Variants in ACACA observed in about 807,000 individuals in gnomAD.
ACACA encodes acetyl-CoA carboxylase 1.
ACACA carries 103 observed loss-of-function variants against 296.1 expected under a neutral mutation model. The ratio of observed to expected loss-of-function variants is 0.35; its 90% CI spans 0.30 to 0.41. The LOEUF (loss-of-function observed/expected upper bound fraction) is 0.41. ACACA is among the 10% of genes least tolerant of loss of function. The pLI, the probability that ACACA is intolerant of heterozygous loss-of-function variation, is 1.00. For synonymous variants in ACACA, 953 were observed against 1,038.6 expected, an observed-to-expected ratio of 0.92 and a Z score of 1.58; for missense variants, 1,554 against 2,989.7, an observed-to-expected ratio of 0.52 and a Z score of 11.20.
intron 1 of ACACA, among the ~76,000 whole-genome samples, chr17:37,350,447 G>C (rs1482124072): frequency 6.6e-6 from 1 of 152,100 alleles, no homozygotes; most frequent in Admixed American, 6.6e-5. Flanking sequence ...CTAAGCCCAG[G>C]AGGTTGAGGC....
At chr17:37,321,800 C>T (rs1349530473) in intron 3 of ACACA, among the ~76,000 whole-genome samples, 2 of 150,468 alleles carry the variant, frequency 1.3e-5, no homozygotes, top group Admixed American at 6.6e-5. Context: ...AAAAATTAGC[C>T]GGGCATGGTG....
intron 14 of ACACA, among the ~76,000 whole-genome samples, chr17:37,256,055 C>T (rs1010661029): frequency 1.3e-5 from 2 of 152,122 alleles, no homozygotes; most frequent in African/African-American, 4.8e-5. Flanking sequence ...GCAAAATTAG[C>T]TAACTTTTAA....
At chr17:37,216,665 C>G (rs759536953) in intron 29 of ACACA, among the ~76,000 whole-genome samples, 33 of 151,778 alleles carry the variant, frequency 2.2e-4, no homozygotes, top group Non-Finnish European at 3.7e-4. Flanking sequence ...AAATATGTTA[C>G]TACAAAGCAA....
chr17:37,400,740 C>CTGTGTGTG lies in ACACA; in HGVS notation c.38+5514_38+5521dup, dbSNP rs71135716. On this transcript the variant is annotated intron_variant, in intron 1 of 55. Coordinates refer to ENST00000616317, the MANE Select transcript of ACACA (RefSeq NM_198834.3). Reference sequence around the variant, plus strand: ...GAACAGTATTCCATTGTGTGTGTGTCTGTGTGTGTGTGTGTGTGTGTATCT... The same window carrying CTGTGTGTG: ...GAACAGTATTCCATTGTGTGTGTGTCTGTGTGTGTGTGTGTGTGTGTGTGTGTGTATCT... Among the ~76,000 whole-genome samples, 505 of 147,550 alleles carry CTGTGTGTG rather than the reference C, an allele frequency of 3.4e-3. 2 individuals are homozygous for CTGTGTGTG. The highest frequency in any genetic ancestry group is 0.012 in the African/African-American group (486 of 38,916).
chr17:37,376,039 G>A (rs902549352), intron 1 of ACACA: 1 of 1,484,578 alleles, frequency 6.7e-7, no homozygotes, highest in Admixed American at 1.7e-5. Flanking sequence ...AGCTATCAAG[G>A]GCTGTGACAG....
At chr17:37,401,196 C>CTTTTTTTTTTT (rs1234610912) in intron 1 of ACACA, among the ~76,000 whole-genome samples, 4 of 134,344 alleles carry the variant, frequency 3.0e-5, no homozygotes, top group African/African-American at 2.7e-5. Flanking sequence ...TTTTGTTTTT[C>CTTTTTTTTTTT]TTTTTTTTTT....
chr17:37,406,343 AGGGGATG>A lies in ACACA; in HGVS notation c.-51_-45del. 1 of 1,606,572 alleles carries A rather than the reference AGGGGATG, an allele frequency of 6.2e-7. No homozygotes were observed. Among genetic ancestry groups the A allele is most frequent in the Non-Finnish European group, 8.5e-7 (1 of 1,173,168 alleles). On this transcript the variant is annotated 5_prime_UTR_variant, in exon 1 of 56. An upstream open reading frame in the 5' UTR loses its in-frame stop. Transcript: ENST00000616317. Reference sequence around the variant, plus strand: ...CAATTTGGGCCTCTGAAGCCCAAAGAGGGGATGGTTCTTTCCAAAGAAGACAATTTCG... The same window carrying A: ...CAATTTGGGCCTCTGAAGCCCAAAGAGTTCTTTCCAAAGAAGACAATTTCG...
At chr17:37,191,874 G>T (rs1598125048) in intron 37 of ACACA, among the ~76,000 whole-genome samples, 5 of 145,830 alleles carry the variant, frequency 3.4e-5, no homozygotes, top group South Asian at 2.2e-4. Context: ...TTTTTCAGAT[G>T]CACTTTCTGC....
chr17:37,098,836 C>T (rs2073152711), intron 52 of ACACA, among the ~76,000 whole-genome samples: 1 of 152,248 alleles, frequency 6.6e-6, no homozygotes, highest in Non-Finnish European at 1.5e-5. Flanking sequence ...AGGGACCCCT[C>T]CCCCAATCAA....
chr17:37,096,929 A>G (rs2073029159), intron 54 of ACACA, 67 bp downstream of exon 54: 1 of 1,596,736 alleles, frequency 6.3e-7, no homozygotes, highest in African/African-American at 1.3e-5. Context: ...TTTGCTGGCG[A>G]GACTTGCAGC....
At chr17:37,349,341 A>T (rs2048780640) in intron 1 of ACACA, among the ~76,000 whole-genome samples, 1 of 149,678 alleles carries the variant, frequency 6.7e-6, no homozygotes, top group Non-Finnish European at 1.5e-5. Flanking sequence ...GATTACAGGC[A>T]TGAGCCACCA....
chr17:37,350,576 G>C (rs189600588), intron 1 of ACACA, among the ~76,000 whole-genome samples: 1 of 152,072 alleles, frequency 6.6e-6, no homozygotes, highest in Non-Finnish European at 1.5e-5. Flanking sequence ...GTGGTGGTTC[G>C]CACCTGTAAT....
At chr17:37,225,163 T>A in intron 26 of ACACA, 58 bp from the exon 27 acceptor site, 1 of 965,790 alleles carries the variant, frequency 1.0e-6, no homozygotes. Flanking sequence ...TCTAGACTCC[T>A]ATTAGGCAGC....
intron 11 of ACACA, among the ~76,000 whole-genome samples, chr17:37,262,322 T>C (rs1228731077): frequency 6.6e-6 from 1 of 152,198 alleles, no homozygotes; most frequent in Admixed American, 6.5e-5. Context: ...AAGTGATGTA[T>C]GTGACTTCAA....
intron 16 of ACACA, among the ~76,000 whole-genome samples, chr17:37,250,132 T>A (rs1198704461): frequency 6.6e-6 from 1 of 152,236 alleles, no homozygotes; most frequent in African/African-American, 2.4e-5. Context: ...AATGTCTTTA[T>A]TAGCAGTGTG....
At chr17:37,233,832 T>A (rs1017853813) in intron 25 of ACACA, among the ~76,000 whole-genome samples, 3 of 152,206 alleles carry the variant, frequency 2.0e-5, no homozygotes, top group African/African-American at 4.8e-5. Flanking sequence ...ACATATATAT[T>A]TTTCCCTCTC....
At chr17:37,137,631 C>A (rs1172435024) in intron 45 of ACACA, among the ~76,000 whole-genome samples, 1 of 152,096 alleles carries the variant, frequency 6.6e-6, no homozygotes, top group Non-Finnish European at 1.5e-5. Context: ...CAAAATAAGT[C>A]TTTCATATTA....
chr17:37,167,696 CAA>C lies in ACACA; in HGVS notation c.5080-5648_5080-5647del, dbSNP rs540610206. Among the ~76,000 whole-genome samples the C allele has an allele frequency of 1.8e-3, 135 of 75,572 alleles. 1 individual carries two copies. Among genetic ancestry groups the C allele is most frequent in the Admixed American group, 4.3e-3 (27 of 6,348 alleles). The allele number at this position is 75,572 out of a possible 152,430, so 49.6% of individuals were successfully genotyped here. A position where few individuals can be genotyped will look rare whatever the true frequency, so the allele number is the denominator to read the frequency against. On this transcript the variant is annotated intron_variant, in intron 41 of 55. Transcript: ENST00000616317. ...AAAAAGATATTAGTACAAAAACTGG[CAA>C]AAAAAAAAAAAAAAAAGAGGTCTGT...
rs534296192 is a variant in ACACA, at chr17:37,299,631, G to A, written c.339-14661C>T. The A allele has an allele frequency of 2.0e-4, 238 of 1,163,058 alleles. No homozygotes were observed. The African/African-American group carries it at 3.2e-3, about 15-fold the overall frequency. The allele number at this position is 1,163,058 out of a possible 1,614,324, so 72.0% of individuals were successfully genotyped here. On this transcript the variant is annotated intron_variant, in intron 3 of 55. Coordinates refer to ENST00000616317, the MANE Select transcript of ACACA (RefSeq NM_198834.3). Reference sequence around the variant, plus strand: ...TTTCCCAAGGGAACTGAGAGGAGCCGGGGAGAAATATAAAAGCTTGTTTAA... The same window carrying A: ...TTTCCCAAGGGAACTGAGAGGAGCCAGGGAGAAATATAAAAGCTTGTTTAA...
Sources: allele counts gnomAD v4.1 joint callset (sites outside exome capture counted in the v4.1 genomes callset), GRCh38; gene constraint gnomAD v4.1.1; transcripts MANE v1.5; gene names NCBI Gene and HGNC (gene_info 2026-07-23, HGNC 2026-07-21).